R3HDM2: variants seen among roughly 807,000 people sequenced by gnomAD.
R3HDM2 encodes R3H domain containing 2, also known as R3H domain-containing protein 2.
Under a neutral mutation model 124.5 loss-of-function variants are expected in R3HDM2, and 38 were observed. The ratio of observed to expected loss-of-function variants is 0.31; its 90% CI spans 0.24 to 0.40. The LOEUF (loss-of-function observed/expected upper bound fraction) is 0.40. Ranked by LOEUF, R3HDM2 falls within the 10% of genes least tolerant of loss-of-function variation. R3HDM2 has a pLI of 1.00. For missense variants in R3HDM2, 869 were observed against 1,236.9 expected, an observed-to-expected ratio of 0.70 and a Z score of 4.46; for synonymous variants, 391 against 448.0, an observed-to-expected ratio of 0.87 and a Z score of 1.61.
At chr12:57,305,552 T>C (rs954133536) in intron 3 of R3HDM2, 3 of 398,162 alleles carry the variant, frequency 7.5e-6, no homozygotes. Context: ...GAATGGATAG[T>C]TTTAACAGCC....
At chr12:57,295,905 G>A (rs7314266) in intron 9 of R3HDM2, among the ~76,000 whole-genome samples, 68,262 of 151,974 alleles carry the variant, frequency 0.45, 15,899 homozygotes, top group South Asian at 0.53. Context: ...GAGTCTCACT[G>A]TATTGCCCAA....
chr12:57,260,263 C>CAAAAAGAAAAAAAAAAAA (rs2040369748), intron 19 of R3HDM2, among the ~76,000 whole-genome samples: 1 of 31,562 alleles, frequency 3.2e-5, no homozygotes. Flanking sequence ...GACCCTGCCT[C>CAAAAAGAAAAAAAAAAAA]AAAAAAAAAA....
At chr12:57,422,290 CAT>C (rs2070294031) in intron 1 of R3HDM2, among the ~76,000 whole-genome samples, 1 of 151,990 alleles carries the variant, frequency 6.6e-6, no homozygotes. Flanking sequence ...CAGTAGCTTT[CAT>C]AGTTTAAGAC....
intron 14 of R3HDM2, among the ~76,000 whole-genome samples, chr12:57,271,318 G>A (rs765840088): frequency 1.7e-4 from 26 of 152,168 alleles, no homozygotes; most frequent in Non-Finnish European, 3.2e-4. Context: ...GGCTGTAATT[G>A]CCTTCTCTCT....
chr12:57,366,762 T>C (rs1419558334), intron 2 of R3HDM2, among the ~76,000 whole-genome samples: 2 of 152,182 alleles, frequency 1.3e-5, no homozygotes, highest in Non-Finnish European at 2.9e-5. Flanking sequence ...CGATCTTGGC[T>C]CACTGCAAGC....
At chr12:57,366,831 G>A (rs911392228) in intron 2 of R3HDM2, among the ~76,000 whole-genome samples, 5 of 152,100 alleles carry the variant, frequency 3.3e-5, no homozygotes, top group Middle Eastern at 3.4e-3. Context: ...CTGGGACTAC[G>A]GGCGCCCGCC....
intron 2 of R3HDM2, among the ~76,000 whole-genome samples, chr12:57,327,463 T>C (rs1181687245): frequency 2.6e-5 from 3 of 114,012 alleles, no homozygotes; most frequent in Non-Finnish European, 3.7e-5. Flanking sequence ...CAAGACTCCG[T>C]CTCAAAAAAA....
At chr12:57,280,303 CT>C in intron 14 of R3HDM2, 54 bp downstream of exon 14, 1 of 1,540,680 alleles carries the variant, frequency 6.5e-7, no homozygotes, top group Non-Finnish European at 8.8e-7. Context: ...GACGGTACAT[CT>C]AAAGTTTGCT....
intron 1 of R3HDM2, among the ~76,000 whole-genome samples, chr12:57,404,015 A>G (rs1043478723): frequency 6.6e-6 from 1 of 151,428 alleles, no homozygotes; most frequent in African/African-American, 2.4e-5. Flanking sequence ...TTGGCAGCAC[A>G]TATACTAAAA....
intron 2 of R3HDM2, among the ~76,000 whole-genome samples, chr12:57,364,871 T>C (rs1209945772): frequency 6.8e-6 from 1 of 148,004 alleles, no homozygotes; most frequent in Non-Finnish European, 1.5e-5. Context: ...GAGAATCACT[T>C]GAACCCAGGA....
intron 2 of R3HDM2, among the ~76,000 whole-genome samples, chr12:57,369,424 CT>C (rs1252981963): frequency 6.6e-6 from 1 of 152,168 alleles, no homozygotes; most frequent in Non-Finnish European, 1.5e-5. Context: ...CAGGGACAGA[CT>C]TTAGCTCAAG....
intron 1 of R3HDM2, among the ~76,000 whole-genome samples, chr12:57,409,176 T>G (rs2068789526): frequency 6.6e-6 from 1 of 152,110 alleles, no homozygotes; most frequent in Non-Finnish European, 1.5e-5. Context: ...TATCTGACAC[T>G]CAAGTTGTCT....
rs1213653689 is a variant in R3HDM2 at position 57,406,047 on chromosome 12, C to T, written c.-105-10229G>A. ...AAGGATAAAACTGAAAGTGGCCAGG[C>T]GCAGTGGCTCATGCCTGTAATCCCA... On this transcript the variant is annotated intron_variant, in intron 1 of 23. Coordinates refer to ENST00000402412, the MANE Select transcript of R3HDM2 (RefSeq NM_001394031.1). Among the ~76,000 whole-genome samples the T allele has an allele frequency of 2.6e-5, 4 of 152,046 alleles. No individual in the cohort carries two copies. The East Asian group carries it at 5.8e-4, about 22-fold the overall frequency.
intron 2 of R3HDM2, among the ~76,000 whole-genome samples, chr12:57,361,579 G>A (rs569990698): frequency 6.6e-6 from 1 of 151,976 alleles, no homozygotes; most frequent in Admixed American, 6.6e-5. Context: ...AAGTTTTCAG[G>A]AGGCTGAGGC....
At chr12:57,391,016 T>TAAAA (rs1254447824) in intron 2 of R3HDM2, among the ~76,000 whole-genome samples, 2 of 90,352 alleles carry the variant, frequency 2.2e-5, no homozygotes, top group Admixed American at 1.1e-4. Context: ...CCGTCTCAAA[T>TAAAA]AAAAAAAAAA....
chr12:57,382,512 G>A (rs1566425521), intron 2 of R3HDM2, among the ~76,000 whole-genome samples: 1 of 146,712 alleles, frequency 6.8e-6, no homozygotes, highest in African/African-American at 2.5e-5. Context: ...CTCTCAAAGT[G>A]CTGGGATGAA....
intron 2 of R3HDM2, among the ~76,000 whole-genome samples, chr12:57,378,657 G>A (rs2064411142): frequency 1.3e-5 from 2 of 152,142 alleles, no homozygotes; most frequent in Admixed American, 1.3e-4. Context: ...GCAATTACAG[G>A]TCACTGCACC....
intron 12 of R3HDM2, among the ~76,000 whole-genome samples, chr12:57,288,392 C>A (rs942134580): frequency 1.2e-4 from 18 of 151,696 alleles, no homozygotes; most frequent in African/African-American, 3.2e-4. Flanking sequence ...CTCTCTCTCT[C>A]TCTCTATATA....
intron 20 of R3HDM2, 43 bp downstream of exon 20, chr12:57,258,847 A>G (rs2039891934): frequency 6.9e-6 from 10 of 1,446,194 alleles, no homozygotes; most frequent in Non-Finnish European, 8.2e-6. Flanking sequence ...CGGGAAGAAT[A>G]CGGTCATCTC....
Sources: allele counts gnomAD v4.1 joint callset (sites outside exome capture counted in the v4.1 genomes callset), GRCh38; gene constraint gnomAD v4.1.1; transcripts MANE v1.5; gene names NCBI Gene and HGNC (gene_info 2026-07-23, HGNC 2026-07-21).